Variants in ST6GAL1 observed in about 807,000 individuals in gnomAD.
The protein encoded by ST6GAL1 is ST6 beta-galactoside alpha-2,6-sialyltransferase 1.
A neutral mutation model predicts 38.0 loss-of-function variants in ST6GAL1; 20 were observed. The ratio of observed to expected loss-of-function variants is 0.53; its 90% confidence interval spans 0.37 to 0.77. The LOEUF is 0.77. Ranked by LOEUF, ST6GAL1 falls within the 30% of genes least tolerant of loss-of-function variation. The probability of loss-of-function intolerance (pLI) is 0.00; values close to 1 mark genes in which losing one functional copy is unlikely to be tolerated. For missense variants in ST6GAL1, 432 were observed against 496.4 expected (o/e 0.87, Z 1.23); for synonymous variants, 196 against 188.2 (o/e 1.04, Z -0.34).
chr3:186,933,442 C>T (rs956210618), intron 1 of ST6GAL1, among the ~76,000 whole-genome samples: 8 of 152,262 alleles, frequency 5.3e-5, no homozygotes, highest in East Asian at 3.9e-4. Context: ...TGCACGAGCT[C>T]GGAACCACCG....
intron 2 of ST6GAL1, among the ~76,000 whole-genome samples, chr3:186,985,503 G>A (rs1041854725): frequency 1.3e-5 from 2 of 151,588 alleles, no homozygotes; most frequent in Non-Finnish European, 2.9e-5. Context: ...ATGATCTGAG[G>A]CTAGGCACTC....
chr3:186,936,913 G>A (rs554383156), intron 1 of ST6GAL1, among the ~76,000 whole-genome samples: 1 of 130,822 alleles, frequency 7.6e-6, no homozygotes. Flanking sequence ...CTGTACTCCA[G>A]CCTGGGTGAC....
chr3:187,061,417 CCAAA>C (rs2108594772), intron 5 of ST6GAL1, among the ~76,000 whole-genome samples: 1 of 152,152 alleles, frequency 6.6e-6, no homozygotes, highest in Admixed American at 6.5e-5. Flanking sequence ...CCCCGATTAA[CCAAA>C]CAATCCTGAA....
At chr3:187,068,760 A>G (rs919252454) in intron 5 of ST6GAL1, among the ~76,000 whole-genome samples, 2 of 152,226 alleles carry the variant, frequency 1.3e-5, no homozygotes, top group East Asian at 3.8e-4. Flanking sequence ...AGTTATTGCT[A>G]TTCCTCATGA....
At chr3:186,962,131 T>C (rs6764215) in intron 1 of ST6GAL1, among the ~76,000 whole-genome samples, 4,132 of 152,308 alleles carry the variant, frequency 0.027, 181 homozygotes, top group African/African-American at 0.092. Flanking sequence ...CCCTGTTCTG[T>C]CCTGAATCTT....
chr3:186,936,023 A>G (rs545613462), intron 1 of ST6GAL1, among the ~76,000 whole-genome samples: 15 of 152,350 alleles, frequency 9.8e-5, no homozygotes, highest in East Asian at 3.9e-4. Context: ...GCCTGGGATT[A>G]CAAAGAGCAT....
At chr3:186,978,925 G>A (rs4686824) in intron 2 of ST6GAL1, among the ~76,000 whole-genome samples, 47,135 of 150,988 alleles carry the variant, frequency 0.31, 7,427 homozygotes, top group East Asian at 0.49. Context: ...GTGAACTCCT[G>A]TTCAAACTTC....
intron 2 of ST6GAL1, among the ~76,000 whole-genome samples, chr3:187,035,395 A>G (rs1351981261): frequency 6.6e-6 from 1 of 152,234 alleles, no homozygotes; most frequent in Non-Finnish European, 1.5e-5. Context: ...AGAACTAGAA[A>G]AAACCTATCC....
chr3:187,021,665 C>T (rs1378352985), intron 2 of ST6GAL1, among the ~76,000 whole-genome samples: 17 of 148,266 alleles, frequency 1.1e-4, no homozygotes, highest in Non-Finnish European at 1.8e-4. Context: ...TGCTTGAACC[C>T]GGGAGGCAGA....
rs1450811911 is a variant in ST6GAL1 at position 187,074,200 on chromosome 3, G to A, written c.846G>A (p.Lys282=). Residue 282 remains lysine, a synonymous_variant, in exon 7 of 8, where the codon AAG becomes AAA. Coordinates refer to ENST00000169298, the MANE Select transcript of ST6GAL1 (RefSeq NM_173216.2). ...NPDYNFFNNY[K]TYRKLHPNQP... is the part of the protein sequence containing the mutation. ...ATTATAATTTCTTTAACAACTACAA[G>A]ACTTATCGTAAGCTGCACCCCAATC... 6.2e-7 allele frequency: 1 copy of A among 1,612,074 alleles called. No homozygotes were observed. Among genetic ancestry groups the A allele is most frequent in the South Asian group, 1.1e-5 (1 of 90,396 alleles).
chr3:186,978,788 C>T (rs948593920), intron 2 of ST6GAL1, among the ~76,000 whole-genome samples: 1 of 152,118 alleles, frequency 6.6e-6, no homozygotes, highest in Non-Finnish European at 1.5e-5. Context: ...AAGACCATTT[C>T]TCATCACTGC....
At position 186,951,717 on chromosome 3, in the gene ST6GAL1, A is replaced by T. The variant is rs112038296; in HGVS notation, c.-324-12068A>T. ...CCTTGTTTTAAACTTACCTGAAAAAATAATGGCAGTCGGAGGAAAACTTTC... is the reference window on the plus strand; with the variant it reads ...CCTTGTTTTAAACTTACCTGAAAAATTAATGGCAGTCGGAGGAAAACTTTC... On this transcript the variant is annotated intron_variant, in intron 1 of 7. Coordinates refer to ENST00000169298, the MANE Select transcript of ST6GAL1 (RefSeq NM_173216.2). Among the ~76,000 whole-genome samples, 608 of 152,344 alleles carry T rather than the reference A, an allele frequency of 4.0e-3. 3 individuals are homozygous for T. The highest frequency in any genetic ancestry group is 0.014 in the African/African-American group (588 of 41,584).
In ST6GAL1 at chr3:187,051,236, T is replaced by C; in HGVS notation, c.608-13T>C. 1 of 1,612,612 alleles carries C rather than the reference T, an allele frequency of 6.2e-7. No homozygotes were observed. The highest frequency in any genetic ancestry group is 1.3e-5 in the African/African-American group (1 of 74,998). On this transcript the variant is annotated splice_polypyrimidine_tract_variant and intron_variant, in intron 4 of 7. Coordinates refer to ENST00000169298, the MANE Select transcript of ST6GAL1 (RefSeq NM_173216.2). ...TGCTCATCACCTCTTTTCTGTTTCTTTGTGGTTTATAGATGATCATGACGC... is the reference window on the plus strand; with the variant it reads ...TGCTCATCACCTCTTTTCTGTTTCTCTGTGGTTTATAGATGATCATGACGC...
chr3:186,938,528 C>T (rs916177016), intron 1 of ST6GAL1, among the ~76,000 whole-genome samples: 4 of 152,120 alleles, frequency 2.6e-5, no homozygotes, highest in East Asian at 1.9e-4. Flanking sequence ...TTTCACAAGC[C>T]GCACACTTTT....
Position 186,952,609 on chromosome 3 carries a change from C to T in ST6GAL1, c.-324-11176C>T, listed in dbSNP as rs1302726701. Among the ~76,000 whole-genome samples, 1 of 151,982 alleles carries T rather than the reference C, an allele frequency of 6.6e-6. No homozygotes were observed. The highest frequency in any genetic ancestry group is 1.5e-5 in the Non-Finnish European group (1 of 67,988). On this transcript the variant is annotated intron_variant, in intron 1 of 7. Coordinates refer to ENST00000169298, the MANE Select transcript of ST6GAL1 (RefSeq NM_173216.2). This position sits in a 1 kb window ranked among gnomAD's most constrained non-coding sequence, Gnocchi z 4.1. The stretch of plus-strand genomic sequence containing the variant: ...AACCTCCGCCTCCCGGGTTCAAGCG[C>T]TTCTCTGTTGGCTCATTTTCACTTG...
intron 2 of ST6GAL1, among the ~76,000 whole-genome samples, chr3:187,005,970 C>T (rs1716773239): frequency 6.6e-6 from 1 of 151,932 alleles, no homozygotes; most frequent in African/African-American, 2.4e-5. Context: ...GATATCTGAC[C>T]TTGAGGATGA....
At chr3:187,054,334 A>G (rs1210599121) in intron 5 of ST6GAL1, among the ~76,000 whole-genome samples, 1 of 152,124 alleles carries the variant, frequency 6.6e-6, no homozygotes, top group Non-Finnish European at 1.5e-5. Context: ...TTCCAACACT[A>G]TGTTGAATAG....
At chr3:187,050,930 C>G (rs1260338562) in intron 4 of ST6GAL1, among the ~76,000 whole-genome samples, 1 of 152,186 alleles carries the variant, frequency 6.6e-6, no homozygotes, top group Admixed American at 6.5e-5. Context: ...ACTGGAGTAG[C>G]TACTCCACTG....
At chr3:186,974,243 A>T (rs963014083) in intron 2 of ST6GAL1, among the ~76,000 whole-genome samples, 1 of 152,114 alleles carries the variant, frequency 6.6e-6, no homozygotes, top group Non-Finnish European at 1.5e-5. Context: ...CCCGCCTCCA[A>T]CAGCCTAGAC....
Sources: gnomAD v4.1 joint callset for allele counts (sites outside exome capture counted in the v4.1 genomes callset) on GRCh38, gnomAD v4.1.1 for gene constraint, Gnocchi (gnomAD v3.1) non-coding constraint, MANE v1.5 for transcripts, NCBI Gene and HGNC (gene_info 2026-07-23, HGNC 2026-07-21) for gene names.